The following ABR variants were observed in gnomAD, a reference collection of about 807,000 sequenced individuals.
ABR encodes the protein active breakpoint cluster region-related protein.
In ABR, 35 loss-of-function variants were observed where a neutral mutation model predicts 107.2. The ratio of observed to expected loss-of-function variants is 0.33; its 90% CI spans 0.25 to 0.43. The LOEUF is 0.43. Among genes scored for constraint, ABR ranks in the 20% least tolerant of loss-of-function variants. ABR has a pLI of 1.00. For synonymous variants in ABR, 498 were observed against 462.0 expected, an observed-to-expected ratio of 1.08 and a Z score of -1.00; for missense variants, 815 against 1,115.2, an observed-to-expected ratio of 0.73 and a Z score of 3.83.
Position 1,005,672 on chromosome 17 carries a change from C to A in ABR, c.*408G>T. On this transcript the variant is annotated 3_prime_UTR_variant, in exon 23 of 23. Coordinates refer to ENST00000302538, the MANE Select transcript of ABR (RefSeq NM_021962.5). The stretch of plus-strand genomic sequence containing the variant: ...GCAGGGCCAAGAGAGAAGCTGGCAG[C>A]AGTTACACAGCGCAAAATAAAAGGC... The A allele has an allele frequency of 4.5e-6, 1 of 224,136 alleles. No homozygotes were observed. Among genetic ancestry groups the A allele is most frequent in the Non-Finnish European group, 8.9e-6 (1 of 112,844 alleles). 13.9% of individuals were successfully genotyped at this position (224,136 alleles called of 1,614,324 possible).
At chr17:1,190,440 C>T (rs1462113645), upstream of ABR, among the ~76,000 whole-genome samples, 1 of 152,174 alleles carries the variant, frequency 6.6e-6, no homozygotes, top group Non-Finnish European at 1.5e-5. Context: ...TCGAGACCAG[C>T]CTGGCCAACA....
intron 1 of ABR, among the ~76,000 whole-genome samples, chr17:1,197,076 C>T (rs1259504583): frequency 6.6e-6 from 1 of 151,578 alleles, no homozygotes; most frequent in Non-Finnish European, 1.5e-5. Flanking sequence ...CCCTGCAGTG[C>T]CTCCTGGACA....
At chr17:1,049,418 G>A (rs543776873) in intron 16 of ABR, among the ~76,000 whole-genome samples, 9 of 152,048 alleles carry the variant, frequency 5.9e-5, no homozygotes, top group African/African-American at 9.6e-5. Flanking sequence ...CACCCACCTC[G>A]GCCTCCCAAG....
At chr17:1,194,077 A>G (rs2042498033) in intron 1 of ABR, among the ~76,000 whole-genome samples, 1 of 152,176 alleles carries the variant, frequency 6.6e-6, no homozygotes, top group Non-Finnish European at 1.5e-5. Context: ...TTTCTCCTCT[A>G]CTGAAATCTG....
At chr17:1,176,862 CAAAAAACAAAAAAA>C (rs2041934496) in intron 1 of ABR, among the ~76,000 whole-genome samples, 1 of 131,326 alleles carries the variant, frequency 7.6e-6, no homozygotes, top group African/African-American at 2.9e-5. Context: ...AAACAAAAAA[CAAAAAACAAAAAAA>C]AAAAAGAAAA....
chr17:1,190,432 G>A (rs1406011325), upstream of ABR, among the ~76,000 whole-genome samples: 6 of 152,168 alleles, frequency 3.9e-5, no homozygotes, highest in African/African-American at 1.4e-4. Flanking sequence ...TCAGGAGTTC[G>A]AGACCAGCCT....
intron 1 of ABR, among the ~76,000 whole-genome samples, chr17:1,211,809 G>A (rs1380293826): frequency 3.3e-5 from 5 of 152,172 alleles, no homozygotes; most frequent in African/African-American, 7.2e-5. Flanking sequence ...GGCCGGCCAC[G>A]GTGGCTCATG....
At chr17:1,225,794 C>G (rs2150769928) in intron 1 of ABR, among the ~76,000 whole-genome samples, 1 of 152,308 alleles carries the variant, frequency 6.6e-6, no homozygotes, top group East Asian at 1.9e-4. Flanking sequence ...CTCATATCAA[C>G]AGCAGGAGAG....
At chr17:1,056,192 G>T in intron 13 of ABR, 83 bp from the exon 14 acceptor site, 1 of 1,224,620 alleles carries the variant, frequency 8.2e-7, no homozygotes, top group Non-Finnish European at 1.2e-6. Flanking sequence ...GAGGCAGACG[G>T]GGTATGAGAC....
intron 1 of ABR, among the ~76,000 whole-genome samples, chr17:1,198,511 G>C (rs1301716301): frequency 6.6e-6 from 1 of 151,424 alleles, no homozygotes; most frequent in Non-Finnish European, 1.5e-5. Flanking sequence ...GGGAGGCTGA[G>C]GCGGGTGGAT....
intron 4 of ABR, among the ~76,000 whole-genome samples, chr17:1,090,145 G>C (rs1445474135): frequency 6.6e-6 from 1 of 152,158 alleles, no homozygotes; most frequent in Non-Finnish European, 1.5e-5. Context: ...GGGGAAGGAC[G>C]TTTCAGGCAC....
In ABR at chr17:1,079,162, G is replaced by A. The variant is rs566075585; in HGVS notation, c.700+168C>T. On this transcript the variant is annotated intron_variant, in intron 6 of 22. Coordinates refer to ENST00000302538, the MANE Select transcript of ABR (RefSeq NM_021962.5). ...GCACGAGGCTAGAGTCCTCGCGTGC[G>A]CGCACACGCGCACTCAGCTCACACT... is the stretch of plus-strand genomic sequence containing the variant. 7.8e-5 allele frequency: 113 copies of A among 1,451,102 alleles called. 1 individual carries two copies. The highest frequency in any genetic ancestry group is 9.1e-5 in the Non-Finnish European group (100 of 1,102,942). 89.9% of individuals were successfully genotyped at this position (1,451,102 alleles called of 1,614,324 possible).
In ABR at chr17:1,210,696, G is replaced by T. The variant is rs2042885744; in HGVS notation, c.838+18097C>A. On this transcript the variant is annotated intron_variant, in intron 1 of 22. Coordinates refer to the ABR transcript ENST00000574139. The surrounding 1 kb of genome is among the most constrained non-coding windows in gnomAD (Gnocchi z 5.6). ...CTGCTTCCTGGCTCCTAACACAAAAGGATTACTTTATCACTTTATCAACCA... is the reference window on the plus strand; with the variant it reads ...CTGCTTCCTGGCTCCTAACACAAAATGATTACTTTATCACTTTATCAACCA... 6.6e-6 allele frequency among the ~76,000 whole-genome samples: 1 copy of T among 152,170 alleles called. No individual in the cohort carries two copies. The highest frequency in any genetic ancestry group is 1.5e-5 in the Non-Finnish European group (1 of 68,040).
chr17:1,038,536 G>A (rs2073371507), intron 16 of ABR, among the ~76,000 whole-genome samples: 1 of 152,226 alleles, frequency 6.6e-6, no homozygotes, highest in Non-Finnish European at 1.5e-5. Context: ...CTGAAGCCAG[G>A]GCAGCTCAGC....
At chr17:1,031,197 C>T (rs1046822065) in intron 16 of ABR, among the ~76,000 whole-genome samples, 2 of 152,118 alleles carry the variant, frequency 1.3e-5, no homozygotes, top group African/African-American at 2.4e-5. Context: ...GTGCTGCGGT[C>T]GGCGCCCCTC....
intron 1 of ABR, among the ~76,000 whole-genome samples, chr17:1,205,612 C>A (rs898466431): frequency 1.3e-5 from 2 of 152,152 alleles, no homozygotes; most frequent in African/African-American, 4.8e-5. Flanking sequence ...CAGTTTGAGA[C>A]CAGCCTGGAC....
upstream of ABR, among the ~76,000 whole-genome samples, chr17:1,189,267 C>T (rs1345703968): frequency 6.6e-6 from 1 of 151,870 alleles, no homozygotes; most frequent in Admixed American, 6.6e-5. Flanking sequence ...CAGTGTCTAA[C>T]AGCAACTGAA....
In ABR at chr17:1,006,134, G is replaced by C. The variant is rs780437158; in HGVS notation, c.2526C>G (p.Pro842=). The change falls in exon 23 of 23, where the codon CCC becomes CCG. Residue 842 remains proline (P), a synonymous_variant. Transcript: ENST00000302538. ...TCCGCTTGAGTTCTGCGAAGGAAAT[G>C]GGGGGGTGCTGCAGGTAGTAGAGGA... is the stretch of plus-strand genomic sequence containing the variant. ...QVLLYYLQHP[P]ISFAELKRNT... is the part of the protein sequence containing the mutation. 1.3e-5 allele frequency: 21 copies of C among 1,586,298 alleles called. No homozygotes were observed. Among genetic ancestry groups the C allele is most frequent in the Non-Finnish European group, 1.7e-5 (20 of 1,165,970 alleles).
At chr17:1,006,403 G>A (rs546152112) in intron 22 of ABR, among the ~76,000 whole-genome samples, 98 of 152,160 alleles carry the variant, frequency 6.4e-4, no homozygotes, top group African/African-American at 6.8e-4. Flanking sequence ...GTCCTGAGGC[G>A]GCCACAGTCC....
Sources: allele counts gnomAD v4.1 joint callset (sites outside exome capture counted in the v4.1 genomes callset), GRCh38; gene constraint gnomAD v4.1.1; non-coding constraint Gnocchi (gnomAD v3.1); transcripts MANE v1.5; gene names NCBI Gene and HGNC (gene_info 2026-07-23, HGNC 2026-07-21).